The following HDAC9 variants were observed in gnomAD, a reference collection of about 807,000 sequenced individuals.
HDAC9 encodes the protein histone deacetylase 9.
In HDAC9, 41 loss-of-function variants were observed where a neutral mutation model predicts 139.4. That is an observed-to-expected ratio of 0.29 (90% confidence interval 0.23 to 0.38). The LOEUF is 0.38. HDAC9 is among the 10% of genes least tolerant of loss of function. HDAC9 has a pLI of 1.00. For synonymous variants in HDAC9, 517 were observed against 476.2 expected (o/e 1.09, Z -1.12); for missense variants, 1,147 against 1,297.0 (o/e 0.88, Z 1.78).
At chr7:18,743,010 G>C (rs1212609869) in intron 13 of HDAC9, among the ~76,000 whole-genome samples, 1 of 152,062 alleles carries the variant, frequency 6.6e-6, no homozygotes, top group East Asian at 1.9e-4. Flanking sequence ...AGTAAATCAT[G>C]TTCACTGAAC....
chr7:18,199,253 C>T (rs762479030), intron 2 of HDAC9, among the ~76,000 whole-genome samples: 30 of 152,184 alleles, frequency 2.0e-4, no homozygotes, highest in South Asian at 4.2e-4. Flanking sequence ...TGTTGATTTA[C>T]AATAGATATA....
intron 1 of HDAC9, among the ~76,000 whole-genome samples, chr7:18,109,919 T>C (rs575358249): frequency 6.6e-6 from 1 of 152,344 alleles, no homozygotes; most frequent in Non-Finnish European, 1.5e-5. Context: ...TATGGTGCTT[T>C]ACATATTTCA....
chr7:18,158,399 C>A (rs908704957), intron 1 of HDAC9, among the ~76,000 whole-genome samples: 9 of 152,052 alleles, frequency 5.9e-5, no homozygotes, highest in African/African-American at 2.2e-4. Flanking sequence ...TAAAGAAGAC[C>A]TGTATCTCAA....
intron 11 of HDAC9, among the ~76,000 whole-genome samples, chr7:18,663,192 A>G (rs1235541715): frequency 6.6e-6 from 1 of 152,030 alleles, no homozygotes; most frequent in Non-Finnish European, 1.5e-5. Flanking sequence ...GATTTAGAGT[A>G]ATGCAGGGTT....
chr7:18,585,195 TTTTA>T (rs1414987455), intron 2 of HDAC9, 82 bp from the exon 3 acceptor site: 11 of 1,480,578 alleles, frequency 7.4e-6, no homozygotes, highest in African/African-American at 1.4e-5. Flanking sequence ...GTCTTATACT[TTTTA>T]TTTGTTTCCA....
chr7:18,850,284 C>T (rs1297149498), intron 21 of HDAC9, among the ~76,000 whole-genome samples: 3 of 152,108 alleles, frequency 2.0e-5, no homozygotes, highest in Non-Finnish European at 4.4e-5. Context: ...CTTATTCCAA[C>T]GATCTGAATG....
intron 2 of HDAC9, among the ~76,000 whole-genome samples, chr7:18,175,311 GA>G (rs1788800088): frequency 2.0e-5 from 3 of 152,220 alleles, no homozygotes; most frequent in Admixed American, 2.0e-4. Context: ...AAGACTATTG[GA>G]AAAACGCAGT....
intron 1 of HDAC9, among the ~76,000 whole-genome samples, chr7:18,346,629 T>C (rs1330584425): frequency 1.3e-5 from 2 of 152,202 alleles, no homozygotes; most frequent in African/African-American, 4.8e-5. Context: ...ATAGTATTTT[T>C]AGTAAATATA....
At chr7:18,926,191 A>T (rs1453406199) in intron 22 of HDAC9, among the ~76,000 whole-genome samples, 1 of 152,142 alleles carries the variant, frequency 6.6e-6, no homozygotes, top group African/African-American at 2.4e-5. Context: ...CTTATAAAAA[A>T]AATTGAAAAA....
intron 1 of HDAC9, among the ~76,000 whole-genome samples, chr7:18,117,986 C>T (rs1784117493): frequency 6.6e-6 from 1 of 152,130 alleles, no homozygotes. Context: ...CTGTTTCCTC[C>T]CCCTTCATCA....
chr7:18,090,449 C>T (rs1050294538), intron 1 of HDAC9, among the ~76,000 whole-genome samples: 1 of 152,206 alleles, frequency 6.6e-6, no homozygotes, highest in African/African-American at 2.4e-5. Flanking sequence ...AGCACACACA[C>T]CTCTGCAGAA....
At chr7:18,787,210 C>A (rs934983633) in intron 16 of HDAC9, among the ~76,000 whole-genome samples, 1 of 152,136 alleles carries the variant, frequency 6.6e-6, no homozygotes, top group Non-Finnish European at 1.5e-5. Flanking sequence ...GCCTCCTCCT[C>A]TGATGACTAA....
rs542766475 is a variant in HDAC9 at position 18,478,846 on chromosome 7, C to G, written c.-41-17416C>G. Among the ~76,000 whole-genome samples the G allele has an allele frequency of 8.5e-5, 13 of 152,178 alleles. No individual in the cohort carries two copies. The South Asian group carries it at 2.5e-3, about 29-fold the overall frequency. On this transcript the variant is annotated intron_variant, in intron 1 of 3. Coordinates refer to the HDAC9 transcript ENST00000413509. ...CTGTCTGCTGGGTTTAAAATGGTGTCTCATTTTGGCTTAATTTTCAATTTT... is the reference window on the plus strand; with the variant it reads ...CTGTCTGCTGGGTTTAAAATGGTGTGTCATTTTGGCTTAATTTTCAATTTT...
At chr7:18,516,761 T>G (rs1411338406) in intron 2 of HDAC9, among the ~76,000 whole-genome samples, 1 of 148,996 alleles carries the variant, frequency 6.7e-6, no homozygotes, top group East Asian at 2.0e-4. Flanking sequence ...CTTGGGAGGC[T>G]GAGGCAGGAG....
At chr7:18,506,764 A>G (rs1799900914) in intron 2 of HDAC9, among the ~76,000 whole-genome samples, 1 of 152,204 alleles carries the variant, frequency 6.6e-6, no homozygotes, top group Non-Finnish European at 1.5e-5. Flanking sequence ...ATATAGCCAT[A>G]AAAGATACTG....
chr7:18,343,501 G>A (rs1450111672), intron 1 of HDAC9, among the ~76,000 whole-genome samples: 1 of 151,830 alleles, frequency 6.6e-6, no homozygotes, highest in Non-Finnish European at 1.5e-5. Context: ...AGTGTATGGT[G>A]TGTTCAGCTC....
intron 19 of HDAC9, among the ~76,000 whole-genome samples, chr7:18,833,074 G>T (rs1033114658): frequency 6.6e-6 from 1 of 152,104 alleles, no homozygotes; most frequent in Non-Finnish European, 1.5e-5. Context: ...ACTGTGAGTT[G>T]TTCCCCCAAA....
chr7:18,291,877 T>C (rs1437531878), intron 1 of HDAC9, among the ~76,000 whole-genome samples: 6 of 152,028 alleles, frequency 3.9e-5, no homozygotes, highest in African/African-American at 1.4e-4. Flanking sequence ...GACCCTGTCA[T>C]GGGCTTCATG....
intron 3 of HDAC9, among the ~76,000 whole-genome samples, chr7:18,586,622 C>G (rs1199359526): frequency 6.6e-6 from 1 of 151,858 alleles, no homozygotes; most frequent in Non-Finnish European, 1.5e-5. Flanking sequence ...ATCTTCTTCT[C>G]TATATTACTT....
Sources: gnomAD v4.1 joint callset for allele counts (sites outside exome capture counted in the v4.1 genomes callset) on GRCh38, gnomAD v4.1.1 for gene constraint, MANE v1.5 for transcripts, NCBI Gene and HGNC (gene_info 2026-07-23, HGNC 2026-07-21) for gene names.